Variants in DCTN2 observed in about 807,000 individuals in gnomAD.
DCTN2 encodes 50 kDa dynein-associated polypeptide.
A neutral mutation model predicts 55.4 loss-of-function variants in DCTN2; 18 were observed. That is an observed-to-expected ratio of 0.32 (90% CI 0.22 to 0.48). The LOEUF is 0.48. Among genes scored for constraint, DCTN2 ranks in the 20% least tolerant of loss-of-function variants. The pLI is 0.99. For synonymous variants in DCTN2, 168 were observed against 185.2 expected, an observed-to-expected ratio of 0.91 and a Z score of 0.76; for missense variants, 390 against 491.0, an observed-to-expected ratio of 0.79 and a Z score of 1.94.
In DCTN2 at chr12:57,530,613, G is replaced by A. The variant is rs536952636; in HGVS notation, c.*76C>T. 2.6e-5 allele frequency: 34 copies of A among 1,302,320 alleles called. No homozygotes were observed. In the Admixed American group the frequency reaches 5.8e-4, roughly 22 times the overall value. 80.7% of individuals were successfully genotyped at this position (1,302,320 alleles called of 1,614,324 possible). A position where few individuals can be genotyped will look rare whatever the true frequency, so the allele number is the denominator to read the frequency against. On this transcript the variant is annotated 3_prime_UTR_variant, in exon 14 of 14. Coordinates refer to ENST00000548249, the MANE Select transcript of DCTN2 (RefSeq NM_001261413.2). ...ATGGGGATGCTAGAGTTATAGTAAAGGGGAAACCCTATGTAAGCTGTTAAC... is the reference window on the plus strand; with the variant it reads ...ATGGGGATGCTAGAGTTATAGTAAAAGGGAAACCCTATGTAAGCTGTTAAC...
chr12:57,543,276 G>A (rs969163246), intron 2 of DCTN2: 8 of 331,090 alleles, frequency 2.4e-5, no homozygotes, highest in Non-Finnish European at 4.7e-5. Context: ...GTGAACCCGG[G>A]AGGTGGAGCT....
chr12:57,534,122 A>G (rs746249495), intron 6 of DCTN2, 25 bp from the exon 7 acceptor site: 7 of 1,566,228 alleles, frequency 4.5e-6, no homozygotes, highest in Admixed American at 3.8e-5. Flanking sequence ...GAGTAATAAT[A>G]TCATGACTGG....
intron 8 of DCTN2, 23 bp downstream of exon 8, chr12:57,533,214 AT>A: frequency 6.2e-7 from 1 of 1,612,442 alleles, no homozygotes; most frequent in Non-Finnish European, 8.5e-7. Context: ...TAAGGCTCAG[AT>A]TATGTACAGG....
intron 13 of DCTN2, 73 bp from the exon 14 acceptor site, chr12:57,530,848 C>A: frequency 7.8e-7 from 1 of 1,274,310 alleles, no homozygotes; most frequent in Non-Finnish European, 1.1e-6. Flanking sequence ...TGAAGGAATT[C>A]TCTGAGAGAG....
At chr12:57,546,558 G>A (rs1054006000) in intron 1 of DCTN2, among the ~76,000 whole-genome samples, 3 of 152,084 alleles carry the variant, frequency 2.0e-5, no homozygotes, top group African/African-American at 7.2e-5. Flanking sequence ...TGGGAGTGGG[G>A]GCTGGGGGAG....
At position 57,534,001 on chromosome 12, in the gene DCTN2, A is replaced by G. The variant is rs368272907; in HGVS notation, c.621T>C (p.Tyr207=). Residue 207 remains tyrosine (Y), a synonymous_variant, in exon 7 of 14, where the codon TAT becomes TAC. Transcript: ENST00000548249. ...CCTGCTCAGGCCGAGAATGTAGTTC[A>G]TAAGTGACAAGGCTGCTATCTGGGG... ...GTPPDSSLVT[Y]ELHSRPEQDK... is the part of the protein sequence containing the mutation. 34 of 1,613,770 alleles carry G rather than the reference A, an allele frequency of 2.1e-5. No individual in the cohort carries two copies. In the East Asian group the frequency reaches 2.9e-4, roughly 14 times the overall value.
chr12:57,540,073 T>C, intron 2 of DCTN2: 1 of 985,190 alleles, frequency 1.0e-6, no homozygotes, highest in African/African-American at 1.7e-5. Flanking sequence ...AAATTCCTCT[T>C]TCAGCTCAGG....
chr12:57,535,726 C>T (rs879568370), intron 3 of DCTN2, 23 bp downstream of exon 3: 31 of 1,602,324 alleles, frequency 1.9e-5, no homozygotes, highest in Non-Finnish European at 2.4e-5. Context: ...CTTCCCCCCA[C>T]CCAGCTTCCA....
At chr12:57,532,354 G>C in intron 11 of DCTN2, 39 bp from the exon 12 acceptor site, 1 of 1,513,968 alleles carries the variant, frequency 6.6e-7, no homozygotes, top group Non-Finnish European at 9.0e-7. Context: ...GATGGCTGAG[G>C]CAGCCAGGTC....
intron 2 of DCTN2, among the ~76,000 whole-genome samples, chr12:57,545,656 T>G (rs531714870): frequency 1.3e-5 from 2 of 152,366 alleles, no homozygotes. Context: ...TTTCAAAGTC[T>G]AGTTCTTGGT....
At position 57,535,212 on chromosome 12, in the gene DCTN2, T is replaced by C; in HGVS notation, c.265-58A>G. On this transcript the variant is annotated intron_variant, in intron 4 of 13. Transcript: ENST00000548249. ...GTCTCATTACAGGGAGCCTCAAGAA[T>C]TCATCCACACCCTGGGCCTAAGTCA... is the stretch of plus-strand genomic sequence containing the variant. 2.9e-6 allele frequency: 4 copies of C among 1,395,770 alleles called. No homozygotes were observed. In the Admixed American group the frequency reaches 5.7e-5, roughly 20 times the overall value. The allele number at this position is 1,395,770 out of a possible 1,614,324, so 86.5% of individuals were successfully genotyped here. A position where few individuals can be genotyped will look rare whatever the true frequency, so the allele number is the denominator to read the frequency against.
rs757424518 is a variant in DCTN2, at chr12:57,532,039, C to T, written c.1095G>A (p.Lys365=). Reference sequence around the variant, plus strand: ...CCTGGGTCAAGAGGGTGGTATTGTCCTTCAAGGAATTAGCAATCATCTGCT... The same window carrying T: ...CCTGGGTCAAGAGGGTGGTATTGTCTTTCAAGGAATTAGCAATCATCTGCT... The part of the protein sequence containing the change: ...TTQQMIANSL[K]DNTTLLTQVQ... Residue 365 remains lysine, a synonymous_variant, in exon 13 of 14, where the codon AAG becomes AAA. Transcript: ENST00000548249. 35 of 1,564,978 alleles carry T rather than the reference C, an allele frequency of 2.2e-5. No individual in the cohort carries two copies. Among genetic ancestry groups the T allele is most frequent in the Non-Finnish European group, 3.0e-5 (35 of 1,154,090 alleles).
intron 2 of DCTN2, among the ~76,000 whole-genome samples, chr12:57,544,607 G>A (rs1410501504): frequency 6.6e-6 from 1 of 151,672 alleles, no homozygotes; most frequent in Non-Finnish European, 1.5e-5. Context: ...GTAGAGACGG[G>A]GTCTCAAACT....
At chr12:57,535,256 T>C in intron 4 of DCTN2, 102 bp from the exon 5 acceptor site, 1 of 1,067,146 alleles carries the variant, frequency 9.4e-7, no homozygotes. Context: ...TCATATCCAA[T>C]TGAGAATCCA....
At chr12:57,533,687 C>T (rs891164857) in intron 7 of DCTN2, among the ~76,000 whole-genome samples, 2 of 151,074 alleles carry the variant, frequency 1.3e-5, no homozygotes, top group Non-Finnish European at 2.9e-5. Flanking sequence ...AGGAGAATGG[C>T]GTGAACCCGG....
At chr12:57,534,629 G>A in intron 5 of DCTN2, 177 bp from the exon 6 acceptor site, 1 of 567,898 alleles carries the variant, frequency 1.8e-6, no homozygotes, top group Non-Finnish European at 2.9e-6. Flanking sequence ...TGTAAACTCT[G>A]GAAACCTTAG....
Position 57,530,575 on chromosome 12 carries a change from A to C in DCTN2, c.*114T>G, listed in dbSNP as rs897426093. 4.5e-5 allele frequency: 40 copies of C among 893,674 alleles called. No homozygotes were observed. The highest frequency in any genetic ancestry group is 3.6e-4 in the South Asian group (22 of 61,624). 55.4% of individuals were successfully genotyped at this position (893,674 alleles called of 1,614,324 possible). A position where few individuals can be genotyped will look rare whatever the true frequency, so the allele number is the denominator to read the frequency against. On this transcript the variant is annotated 3_prime_UTR_variant, in exon 14 of 14. Transcript: ENST00000548249. Reference sequence around the variant, plus strand: ...ACATGCAAGAAGAACCCTTGCCCCCAGTGTCAAATGGGATGGGGATGCTAG... The same window carrying C: ...ACATGCAAGAAGAACCCTTGCCCCCCGTGTCAAATGGGATGGGGATGCTAG...
At position 57,532,891 on chromosome 12, in the gene DCTN2, A is replaced by G; in HGVS notation, c.775-81T>C. The G allele has an allele frequency of 3.8e-6, 6 of 1,596,126 alleles. 1 individual carries two copies. In the South Asian group the frequency reaches 6.7e-5, roughly 18 times the overall value. On this transcript the variant is annotated intron_variant, in intron 9 of 13. Transcript: ENST00000548249. The stretch of plus-strand genomic sequence containing the variant: ...GCCTCCCATATTCCACTAAATTAAT[A>G]TATAGCTACAAACTCAAAAATAATC...
intron 8 of DCTN2, 56 bp from the exon 9 acceptor site, chr12:57,533,078 C>T: frequency 6.4e-7 from 1 of 1,562,202 alleles, no homozygotes; most frequent in Non-Finnish European, 8.7e-7. Flanking sequence ...TGATTATCGT[C>T]TTCTCCCATC....
Sources: gnomAD v4.1 joint callset for allele counts (sites outside exome capture counted in the v4.1 genomes callset) on GRCh38, gnomAD v4.1.1 for gene constraint, MANE v1.5 for transcripts, NCBI Gene and HGNC (gene_info 2026-07-23, HGNC 2026-07-21) for gene names.